Variants in SLC12A3 observed in about 807,000 individuals in gnomAD.
SLC12A3 encodes Na-Cl cotransporter.
In SLC12A3, 104 loss-of-function variants were observed where a neutral mutation model predicts 121.0. That is an observed-to-expected ratio of 0.86 (90% CI 0.73 to 1.01). The LOEUF (loss-of-function observed/expected upper bound fraction) is 1.01, where lower values mean the gene tolerates loss of function less well. Ranked by LOEUF, SLC12A3 falls within the 50% of genes least tolerant of loss-of-function variation. The pLI, the probability that SLC12A3 is intolerant of heterozygous loss-of-function variation, is 0.00. For synonymous variants in SLC12A3, 536 were observed against 533.4 expected, an observed-to-expected ratio of 1.00 and a Z score of -0.07; for missense variants, 1,328 against 1,356.3, an observed-to-expected ratio of 0.98 and a Z score of 0.33.
chr16:56,873,374 CTTT>C (rs59478629), intron 8 of SLC12A3, among the ~76,000 whole-genome samples: 867 of 75,264 alleles, frequency 0.012, 15 homozygotes, highest in Middle Eastern at 0.036. Flanking sequence ...CTCTTTCTTT[CTTT>C]TTTTTTTTTT....
At chr16:56,890,799 G>T (rs977971645) in intron 19 of SLC12A3, among the ~76,000 whole-genome samples, 4 of 151,976 alleles carry the variant, frequency 2.6e-5, no homozygotes, top group African/African-American at 9.7e-5. Context: ...CTACTTGGGA[G>T]GCTGAGGCAG....
Position 56,880,259 on chromosome 16 carries a change from G to A in SLC12A3, c.1567+6G>A. On this transcript the variant is annotated splice_donor_region_variant and intron_variant, in intron 12 of 25. Coordinates refer to ENST00000563236, the MANE Select transcript of SLC12A3 (RefSeq NM_001126108.2). ...TGTGGCCTTCATCATCATCGGTAAG[G>A]CTCTGCCAGGGCTCACAGGGCCTGG... The A allele has an allele frequency of 6.4e-7, 1 of 1,574,426 alleles. No homozygotes were observed. Among genetic ancestry groups the A allele is most frequent in the Non-Finnish European group, 8.6e-7 (1 of 1,159,564 alleles).
At chr16:56,899,393 G>T (rs2055507381) in intron 22 of SLC12A3, 137 bp from the exon 23 acceptor site, 5 of 712,288 alleles carry the variant, frequency 7.0e-6, no homozygotes, top group Middle Eastern at 2.4e-4. Context: ...GGAGGCTGGG[G>T]CATGAGAATT....
chr16:56,910,834 G>T (rs191785893), intron 25 of SLC12A3, among the ~76,000 whole-genome samples: 3 of 152,348 alleles, frequency 2.0e-5, no homozygotes, highest in Non-Finnish European at 4.4e-5. Flanking sequence ...TTGTGGCTAA[G>T]AGATGTAATT....
chr16:56,874,973 G>T (rs1405207869), intron 8 of SLC12A3, among the ~76,000 whole-genome samples: 1 of 152,188 alleles, frequency 6.6e-6, no homozygotes, highest in African/African-American at 2.4e-5. Flanking sequence ...CAGAGGCCTG[G>T]TCTGCCTGCC....
rs10645308 is a variant in SLC12A3, at chr16:56,899,285, C to CAGG, written c.2634-243_2634-241dup. Among the ~76,000 whole-genome samples, 79,497 of 151,712 alleles carry CAGG rather than the reference C, an allele frequency of 0.52. 22,688 individuals carry two copies. The highest frequency in any genetic ancestry group is 0.76 in the African/African-American group (31,561 of 41,318). On this transcript the variant is annotated intron_variant, in intron 22 of 25. Coordinates refer to ENST00000563236, the MANE Select transcript of SLC12A3 (RefSeq NM_001126108.2). The stretch of plus-strand genomic sequence containing the variant: ...ATGCCAGCACTTTGGGAGGCCGAGG[C>CAGG]AGGATCACCCGAGGCCAACATGACG...
In SLC12A3 at chr16:56,870,252, G is replaced by T; in HGVS notation, c.741+17G>T. 2.5e-6 allele frequency: 4 copies of T among 1,610,896 alleles called. No individual in the cohort carries two copies. The highest frequency in any genetic ancestry group is 3.4e-6 in the Non-Finnish European group (4 of 1,179,664). ...CTGCTCCAGGTGAGGCCGGGGGGCT[G>T]GACCCTGGGTAGAGGGATCCGGGCA... On this transcript the variant is annotated intron_variant, in intron 5 of 25. Coordinates refer to ENST00000563236, the MANE Select transcript of SLC12A3 (RefSeq NM_001126108.2).
At chr16:56,893,950 G>GTATTTT (rs201508930) in intron 21 of SLC12A3, among the ~76,000 whole-genome samples, 9 of 142,630 alleles carry the variant, frequency 6.3e-5, no homozygotes, top group East Asian at 2.1e-4. Flanking sequence ...GCTAATTTTT[G>GTATTTT]TATTTTTATT....
intron 3 of SLC12A3, among the ~76,000 whole-genome samples, chr16:56,868,838 TG>T (rs1179484298): frequency 6.6e-6 from 1 of 152,012 alleles, no homozygotes; most frequent in Non-Finnish European, 1.5e-5. Context: ...CAGGCGTGGT[TG>T]GCAGGTGCCT....
intron 22 of SLC12A3, among the ~76,000 whole-genome samples, chr16:56,896,346 G>T (rs2055461823): frequency 2.0e-5 from 3 of 152,234 alleles, no homozygotes; most frequent in Admixed American, 2.0e-4. Flanking sequence ...GGATGCATGG[G>T]CTTGGCAGGC....
chr16:56,894,122 G>T (rs749168146), intron 21 of SLC12A3, among the ~76,000 whole-genome samples: 51 of 152,016 alleles, frequency 3.4e-4, no homozygotes, highest in Non-Finnish European at 6.5e-4. Context: ...TCCTGCCTCA[G>T]CCTCCTGAGT....
Position 56,880,044 on chromosome 16 carries a change from G to A in SLC12A3, c.1444-86G>A, listed in dbSNP as rs893868091. 12 of 1,556,134 alleles carry A rather than the reference G, an allele frequency of 7.7e-6. No individual in the cohort carries two copies. In the Admixed American group the frequency reaches 9.6e-5, roughly 12 times the overall value. ...GGTTGGGGAGGTCACGGAGGGCACCGAGCCGGGGCTGGAGCTCAGGTGGCC... is the reference window on the plus strand; with the variant it reads ...GGTTGGGGAGGTCACGGAGGGCACCAAGCCGGGGCTGGAGCTCAGGTGGCC... On this transcript the variant is annotated intron_variant, in intron 11 of 25. Coordinates refer to ENST00000563236, the MANE Select transcript of SLC12A3 (RefSeq NM_001126108.2).
At chr16:56,888,973 G>A (rs1490492345) in intron 18 of SLC12A3, among the ~76,000 whole-genome samples, 9 of 152,272 alleles carry the variant, frequency 5.9e-5, no homozygotes, top group African/African-American at 9.6e-5. Flanking sequence ...GCTCTGAGGC[G>A]GTGCCCCTGA....
chr16:56,912,467 C>T (rs2055698941), intron 25 of SLC12A3, among the ~76,000 whole-genome samples: 1 of 152,158 alleles, frequency 6.6e-6, no homozygotes, highest in Admixed American at 6.5e-5. Context: ...GGGCAGGAGG[C>T]AGGACAAAGA....
intron 8 of SLC12A3, among the ~76,000 whole-genome samples, chr16:56,874,193 C>T (rs1173298449): frequency 2.6e-5 from 4 of 152,190 alleles, no homozygotes; most frequent in African/African-American, 9.7e-5. Flanking sequence ...ATACTAGGTG[C>T]TCTGTACATG....
In SLC12A3 at chr16:56,911,387, G is replaced by A. The variant is rs151247681; in HGVS notation, c.2925-1877G>A. The stretch of plus-strand genomic sequence containing the variant: ...GTTGCCCAGGCTGCAGTGCAGTGGC[G>A]CAATCATGCTCACTGCAGCCTCGAC... On this transcript the variant is annotated intron_variant, in intron 25 of 25. Transcript: ENST00000563236. 7.7e-3 allele frequency among the ~76,000 whole-genome samples: 1,169 copies of A among 152,084 alleles called. 6 individuals carry two copies. The highest frequency in any genetic ancestry group is 0.011 in the Non-Finnish European group (747 of 68,006).
At chr16:56,879,792 A>G (rs2055214121) in intron 11 of SLC12A3, 143 bp downstream of exon 11, 2 of 698,062 alleles carry the variant, frequency 2.9e-6, no homozygotes, top group South Asian at 3.3e-5. Flanking sequence ...AAAAGGAGCT[A>G]TCAGCAAACT....
At chr16:56,867,912 C>T (rs1359540412) in intron 2 of SLC12A3, among the ~76,000 whole-genome samples, 5 of 152,194 alleles carry the variant, frequency 3.3e-5, no homozygotes, top group Admixed American at 6.5e-5. Context: ...TTACATGGGG[C>T]GCTGGCTCAC....
intron 25 of SLC12A3, among the ~76,000 whole-genome samples, chr16:56,908,109 C>CT (rs200340853): frequency 0.25 from 32,761 of 129,070 alleles, 4,700 homozygotes; most frequent in African/African-American, 0.43. Flanking sequence ...CCAGTGTGTG[C>CT]TTTTTTTTTT....
Sources: allele counts gnomAD v4.1 joint callset (sites outside exome capture counted in the v4.1 genomes callset), GRCh38; gene constraint gnomAD v4.1.1; transcripts MANE v1.5; gene names NCBI Gene and HGNC (gene_info 2026-07-23, HGNC 2026-07-21).